BRI3: variants seen among roughly 807,000 people sequenced by gnomAD.
BRI3 encodes brain protein I3.
Under a neutral mutation model 12.8 loss-of-function variants are expected in BRI3, and 6 were observed. The ratio of observed to expected loss-of-function variants is 0.47; its 90% CI spans 0.26 to 0.93. The LOEUF (loss-of-function observed/expected upper bound fraction) is 0.93, where lower values mean the gene tolerates loss of function less well. Ranked by LOEUF, BRI3 falls within the 40% of genes least tolerant of loss-of-function variation. The pLI is 0.15. For missense variants in BRI3, 134 were observed against 171.1 expected (o/e 0.78, Z 1.21); for synonymous variants, 91 against 76.1 (o/e 1.20, Z -1.02).
chr7:98,288,675 G>C (rs1012038116), intron 2 of BRI3, among the ~76,000 whole-genome samples: 1 of 151,984 alleles, frequency 6.6e-6, no homozygotes, highest in African/African-American at 2.4e-5. Context: ...AGAGCCTTTT[G>C]AGAACGAATG....
the BRI3 span, among the ~76,000 whole-genome samples, chr7:98,321,424 C>T: frequency 5.9e-5 from 9 of 152,148 alleles, no homozygotes; most frequent in African/African-American, 2.2e-4. Context: ...AGGAAGAGTG[C>T]TCAGCCCTGC....
At chr7:98,300,185 GAC>G (rs1246515101) in intron 1 of BRI3, among the ~76,000 whole-genome samples, 4 of 152,324 alleles carry the variant, frequency 2.6e-5, no homozygotes, top group African/African-American at 7.2e-5. Flanking sequence ...GCTCGTCTCT[GAC>G]ACACACATGC....
At chr7:98,293,625 ACTT>A, downstream of BRI3, 1 of 1,597,010 alleles carries the variant, frequency 6.3e-7, no homozygotes, top group East Asian at 2.2e-5. Flanking sequence ...ATCTTTCAGA[ACTT>A]CTGCTCTACG....
At chr7:98,310,663 G>GTTT (rs1278404391), downstream of BRI3, 17 of 936,984 alleles carry the variant, frequency 1.8e-5, no homozygotes, top group Admixed American at 3.7e-5. Context: ...TCCCAAGGCT[G>GTTT]TTTTTTTTTT....
exon 1 of BRI3, chr7:98,306,611 C>T: frequency 3.2e-6 from 5 of 1,563,796 alleles, no homozygotes; most frequent in South Asian, 2.3e-5. Flanking sequence ...GCAGACAGGT[C>T]CACTGCTCCA....
chr7:98,286,640 C>T (rs1219807368), intron 2 of BRI3, among the ~76,000 whole-genome samples: 5 of 152,116 alleles, frequency 3.3e-5, no homozygotes, highest in Admixed American at 6.5e-5. Context: ...GTGCTGGGGA[C>T]AGGACTGCCC....
chr7:98,298,561 C>T (rs1375691875), intron 1 of BRI3, among the ~76,000 whole-genome samples: 1 of 151,842 alleles, frequency 6.6e-6, no homozygotes, highest in Non-Finnish European at 1.5e-5. Context: ...TGCAGTGAGC[C>T]GAGATGGTGC....
exon 2 of BRI3, chr7:98,309,393 T>A (rs913702037): frequency 1.3e-5 from 2 of 152,116 alleles, no homozygotes; most frequent in African/African-American, 4.8e-5. Context: ...GACATCGAGA[T>A]CCACCTACCT....
Position 98,285,734 on chromosome 7 carries a change from C to T in BRI3, c.245+3281C>T, listed in dbSNP as rs114514541. Among the ~76,000 whole-genome samples, 895 of 152,210 alleles carry T rather than the reference C, an allele frequency of 5.9e-3. 19 individuals carry two copies. The highest frequency in any genetic ancestry group is 0.02 in the African/African-American group (840 of 41,530). On this transcript the variant is annotated intron_variant, in intron 2 of 2. Transcript: ENST00000297290. ...CAGGGGAGGCGAGGGCTGGCCCTGG[C>T]CATTGGGTTTGCTGGGAATGGCCCT...
At chr7:98,293,549 T>C (rs759446214), downstream of BRI3, 9 of 1,613,738 alleles carry the variant, frequency 5.6e-6, no homozygotes, top group East Asian at 2.0e-4. Flanking sequence ...CGAGCGATCA[T>C]TCGTCACAGT....
chr7:98,307,894 T>C (rs1453082670), exon 2 of BRI3: 1 of 1,614,200 alleles, frequency 6.2e-7, no homozygotes, highest in South Asian at 1.1e-5. Flanking sequence ...TCTTCGGAAG[T>C]ACCTGTTGGA....
downstream of BRI3, chr7:98,291,659 G>A: frequency 2.8e-6 from 1 of 361,906 alleles, no homozygotes; most frequent in Non-Finnish European, 3.9e-6. Context: ...ATGTTTTCAA[G>A]TTCTGCTTTA....
chr7:98,315,195 C>T, downstream of BRI3, among the ~76,000 whole-genome samples: 1 of 152,176 alleles, frequency 6.6e-6, no homozygotes, highest in East Asian at 1.9e-4. Context: ...AATCATGGCT[C>T]ACTGCAGCCT....
the BRI3 span, among the ~76,000 whole-genome samples, chr7:98,322,179 GGAGA>G: frequency 6.6e-6 from 1 of 152,056 alleles, no homozygotes; most frequent in Non-Finnish European, 1.5e-5. Context: ...TAGAATATGG[GGAGA>G]GAGAGAAAGC....
At chr7:98,306,102 TGTAAGATAAGAACG>T (rs1800646347), upstream of BRI3, among the ~76,000 whole-genome samples, 2 of 152,114 alleles carry the variant, frequency 1.3e-5, no homozygotes, top group African/African-American at 2.4e-5. Context: ...CGTTAAGGGC[TGTAAGATAAGAACG>T]GTAAGATAAG....
At chr7:98,301,830 T>C (rs1274868046), upstream of BRI3, among the ~76,000 whole-genome samples, 3 of 152,032 alleles carry the variant, frequency 2.0e-5, no homozygotes, top group East Asian at 3.9e-4. Context: ...GGGTGTGAGC[T>C]GAGAATACCA....
At chr7:98,293,589 TTTCTC>T (rs1163835734), downstream of BRI3, 1 of 1,613,660 alleles carries the variant, frequency 6.2e-7, no homozygotes. Context: ...GCAAAGGGGT[TTTCTC>T]CGCTGCAGGG....
intron 1 of BRI3, among the ~76,000 whole-genome samples, chr7:98,300,514 T>A: frequency 6.6e-6 from 1 of 152,176 alleles, no homozygotes; most frequent in East Asian, 1.9e-4. Flanking sequence ...CAGGAAAGCG[T>A]ACTGATGTGG....
chr7:98,294,746 TA>T (rs1191331508), downstream of BRI3, among the ~76,000 whole-genome samples: 1 of 152,052 alleles, frequency 6.6e-6, no homozygotes, highest in Non-Finnish European at 1.5e-5. Context: ...GAAATAAAAA[TA>T]AAACCCCACT....
Sources: gnomAD v4.1 joint callset for allele counts (sites outside exome capture counted in the v4.1 genomes callset) on GRCh38, gnomAD v4.1.1 for gene constraint, MANE v1.5 for transcripts, NCBI Gene and HGNC (gene_info 2026-07-23, HGNC 2026-07-21) for gene names.